IL7: variants seen among roughly 807,000 people sequenced by gnomAD.
IL7 encodes the protein interleukin 7.
A neutral mutation model predicts 21.6 loss-of-function variants in IL7; 3 were observed. That is an observed-to-expected ratio of 0.14 (90% CI 0.06 to 0.36). IL7 has a LOEUF of 0.36. IL7 is among the 10% of genes least tolerant of loss of function. IL7 has a pLI of 1.00. For missense variants in IL7, 175 were observed against 200.2 expected (o/e 0.87, Z 0.76); for synonymous variants, 62 against 68.1 (o/e 0.91, Z 0.44).
intron 3 of IL7, 127 bp downstream of exon 3, chr8:78,739,875 C>A (rs775720365): frequency 2.5e-4 from 196 of 795,722 alleles, no homozygotes; most frequent in Admixed American, 3.1e-4. Flanking sequence ...ATGATTTAAT[C>A]AATGGGAATT....
At chr8:78,798,717 G>T (rs959954604) in intron 1 of IL7, among the ~76,000 whole-genome samples, 4 of 152,016 alleles carry the variant, frequency 2.6e-5, no homozygotes, top group African/African-American at 9.7e-5. Context: ...ACTACTGTAA[G>T]TGCACTCTTT....
chr8:78,774,149 C>T (rs558369620), intron 2 of IL7, among the ~76,000 whole-genome samples: 2 of 152,124 alleles, frequency 1.3e-5, no homozygotes, highest in South Asian at 4.1e-4. Flanking sequence ...GATTTCATTA[C>T]TTATAATAAT....
At chr8:78,702,316 C>A (rs1243609854) in intron 3 of IL7, among the ~76,000 whole-genome samples, 2 of 149,844 alleles carry the variant, frequency 1.3e-5, no homozygotes, top group East Asian at 3.9e-4. Context: ...GTGGTAATAC[C>A]CCTCTTGTCA....
At position 78,804,875 on chromosome 8, in the gene IL7, G is replaced by C. The variant is rs767264278; in HGVS notation, c.10+38C>G. ...CGTCTGGGATTGCCCCGGCGCGTCG[G>C]GCGCGCGAACTTGTGCGCAAGGGAG... On this transcript the variant is annotated intron_variant, in intron 1 of 5. Coordinates refer to ENST00000263851, the MANE Select transcript of IL7 (RefSeq NM_000880.4). 23 of 1,611,836 alleles carry C rather than the reference G, an allele frequency of 1.4e-5. No individual in the cohort carries two copies. The African/African-American group carries it at 2.7e-4, about 19-fold the overall frequency.
chr8:78,785,978 G>C (rs1019714933), intron 2 of IL7, among the ~76,000 whole-genome samples: 1 of 152,194 alleles, frequency 6.6e-6, no homozygotes, highest in African/African-American at 2.4e-5. Context: ...GACAGGGACT[G>C]TCCTCTTTCT....
intron 2 of IL7, among the ~76,000 whole-genome samples, chr8:78,774,653 G>A (rs1344308359): frequency 6.6e-6 from 1 of 151,912 alleles, no homozygotes; most frequent in African/African-American, 2.4e-5. Flanking sequence ...ACATGTCTCT[G>A]TGGTACATAA....
At chr8:78,750,404 GA>G (rs112594408) in intron 2 of IL7, among the ~76,000 whole-genome samples, 3,047 of 149,600 alleles carry the variant, frequency 0.02, 97 homozygotes, top group African/African-American at 0.07. Flanking sequence ...AATCAGCTAT[GA>G]AAAAAAAAAT....
chr8:78,766,893 T>G lies in IL7; in HGVS notation c.148-26811A>C, dbSNP rs1812772056. On this transcript the variant is annotated intron_variant, in intron 2 of 5. Transcript: ENST00000263851. ...GTATTTTTAAAATAATTTGTGCTTCTACCAGCATATAAAGGAGGCCATTCT... is the reference window on the plus strand; with the variant it reads ...GTATTTTTAAAATAATTTGTGCTTCGACCAGCATATAAAGGAGGCCATTCT... Among the ~76,000 whole-genome samples, 3 of 152,246 alleles carry G rather than the reference T, an allele frequency of 2.0e-5. No individual in the cohort carries two copies. The South Asian group carries it at 6.2e-4, about 32-fold the overall frequency.
rs1012908736 is a variant in IL7 at position 78,733,774 on chromosome 8, C to T, written c.473G>A (p.Arg158Lys). The T allele has an allele frequency of 6.9e-6, 11 of 1,599,246 alleles. No homozygotes were observed. Among genetic ancestry groups the T allele is most frequent in the Non-Finnish European group, 9.4e-6 (11 of 1,173,370 alleles). ...ACAAGTTTTTATCTCTTGTAATAGT[C>T]TCTTTAGGAAACACAAGTCATTCAG... ...KKLNDLCFLK[R>K]LLQEIKTCWN... Residue 158 changes from arginine (R) to lysine (K), a missense_variant, in exon 6 of 6, where the codon AGA (arginine) becomes AAA (lysine). Arg to Lys is a conservative substitution (Grantham distance 26). Transcript: ENST00000263851.
At chr8:78,704,006 G>A (rs531442655) in intron 3 of IL7, among the ~76,000 whole-genome samples, 2 of 152,188 alleles carry the variant, frequency 1.3e-5, no homozygotes, top group South Asian at 2.1e-4. Flanking sequence ...AGCATTTGCT[G>A]GTCTGAAAAA....
At chr8:78,738,164 A>G (rs2130681627) in intron 4 of IL7, among the ~76,000 whole-genome samples, 1 of 152,292 alleles carries the variant, frequency 6.6e-6, no homozygotes, top group East Asian at 1.9e-4. Context: ...GTAAATGTGT[A>G]CATATATGGA....
chr8:78,696,196 G>A (rs955881419), intron 3 of IL7, among the ~76,000 whole-genome samples: 31 of 151,866 alleles, frequency 2.0e-4, no homozygotes, highest in African/African-American at 7.5e-4. Flanking sequence ...TACCACGCCC[G>A]GCTAATTTTT....
intron 2 of IL7, among the ~76,000 whole-genome samples, chr8:78,756,578 C>T (rs776057050): frequency 3.3e-5 from 5 of 151,664 alleles, no homozygotes; most frequent in Non-Finnish European, 4.4e-5. Context: ...GATTCATTTC[C>T]GCTAGGTTTT....
intron 2 of IL7, among the ~76,000 whole-genome samples, chr8:78,756,888 C>CT (rs920362491): frequency 6.6e-6 from 1 of 151,270 alleles, no homozygotes; most frequent in African/African-American, 2.4e-5. Flanking sequence ...TTTCTATTTC[C>CT]TTTTTTTCTG....
At chr8:78,790,400 A>C (rs1813648488) in intron 2 of IL7, among the ~76,000 whole-genome samples, 1 of 152,196 alleles carries the variant, frequency 6.6e-6, no homozygotes, top group African/African-American at 2.4e-5. Context: ...ATTCATAACA[A>C]ATTTCCAAAG....
Position 78,733,341 on chromosome 8 carries a change from T to C in IL7, c.*372A>G, listed in dbSNP as rs1374929153. On this transcript the variant is annotated 3_prime_UTR_variant, in exon 6 of 6. Coordinates refer to ENST00000263851, the MANE Select transcript of IL7 (RefSeq NM_000880.4). ...AAATTATTTTGACAGTAAAGCAATG[T>C]CAATTTTGAATCTTTGAAACCATTA... is the stretch of plus-strand genomic sequence containing the variant. 2 of 171,276 alleles carry C rather than the reference T, an allele frequency of 1.2e-5. No homozygotes were observed. Among genetic ancestry groups the C allele is most frequent in the African/African-American group, 4.8e-5 (2 of 41,584 alleles). 10.6% of individuals were successfully genotyped at this position (171,276 alleles called of 1,614,324 possible). A position where few individuals can be genotyped will look rare whatever the true frequency, so the allele number is the denominator to read the frequency against.
chr8:78,735,836 C>G (rs987783719), intron 5 of IL7, among the ~76,000 whole-genome samples: 1 of 152,108 alleles, frequency 6.6e-6, no homozygotes, highest in Non-Finnish European at 1.5e-5. Context: ...GAATCCATCA[C>G]TTTTATGAAC....
At chr8:78,700,489 T>A (rs1810563938) in intron 3 of IL7, among the ~76,000 whole-genome samples, 1 of 152,208 alleles carries the variant, frequency 6.6e-6, no homozygotes, top group Non-Finnish European at 1.5e-5. Flanking sequence ...TCTTTTGCTA[T>A]GCAGAAACTC....
chr8:78,770,655 A>G (rs1359595456), intron 2 of IL7, among the ~76,000 whole-genome samples: 1 of 152,032 alleles, frequency 6.6e-6, no homozygotes, highest in Non-Finnish European at 1.5e-5. Flanking sequence ...TTATATATAC[A>G]TATGCATACA....
Sources: gnomAD v4.1 joint callset for allele counts (sites outside exome capture counted in the v4.1 genomes callset) on GRCh38, gnomAD v4.1.1 for gene constraint, MANE v1.5 for transcripts, NCBI Gene and HGNC (gene_info 2026-07-23, HGNC 2026-07-21) for gene names.